Variants in NIBAN1 observed in about 807,000 individuals in gnomAD.
NIBAN1 encodes niban apoptosis regulator 1, also known as protein Niban 1.
NIBAN1 carries 81 observed loss-of-function variants against 75.1 expected under a neutral mutation model. The ratio of observed to expected loss-of-function variants is 1.08; its 90% CI spans 0.90 to 1.30. The LOEUF is 1.30. Ranked by LOEUF, NIBAN1 falls within the 50% of genes most tolerant of loss-of-function variation. NIBAN1 has a pLI of 0.00. For missense variants in NIBAN1, 1,133 were observed against 1,128.1 expected (o/e 1.00, Z -0.06); for synonymous variants, 436 against 424.8 (o/e 1.03, Z -0.32).
At chr1:184,827,212 T>A (rs1356525058) in intron 6 of NIBAN1, among the ~76,000 whole-genome samples, 1 of 152,074 alleles carries the variant, frequency 6.6e-6, no homozygotes, top group African/African-American at 2.4e-5. Flanking sequence ...ATCAGCAGCA[T>A]GAAAACGGAC....
At chr1:184,836,821 G>C (rs1418442388) in intron 5 of NIBAN1, among the ~76,000 whole-genome samples, 2 of 152,174 alleles carry the variant, frequency 1.3e-5, no homozygotes, top group African/African-American at 4.8e-5. Flanking sequence ...AAGGAAAAAA[G>C]ATCTAATCTA....
At chr1:184,892,236 C>T (rs915933585) in intron 3 of NIBAN1, among the ~76,000 whole-genome samples, 1 of 152,168 alleles carries the variant, frequency 6.6e-6, no homozygotes, top group African/African-American at 2.4e-5. Flanking sequence ...TAAATGCTTC[C>T]GTACATTCAT....
At chr1:184,803,873 C>T (rs1279474738) in intron 11 of NIBAN1, among the ~76,000 whole-genome samples, 181 bp from the exon 12 acceptor site, 1 of 152,176 alleles carries the variant, frequency 6.6e-6, no homozygotes, top group East Asian at 1.9e-4. Context: ...CAGGTTATAA[C>T]TGATAATGAC....
At chr1:184,888,899 T>C (rs1449079230) in intron 4 of NIBAN1, among the ~76,000 whole-genome samples, 1 of 152,248 alleles carries the variant, frequency 6.6e-6, no homozygotes, top group Non-Finnish European at 1.5e-5. Context: ...ATGAATTACT[T>C]AGTAATAATT....
At chr1:184,838,187 A>T (rs723064) in intron 5 of NIBAN1, among the ~76,000 whole-genome samples, 72,053 of 151,950 alleles carry the variant, frequency 0.47, 17,216 homozygotes, top group Middle Eastern at 0.52. Flanking sequence ...CCTAGCCTGT[A>T]TTTCTGCTTT....
At chr1:184,972,526 T>G (rs555440680) in intron 1 of NIBAN1, among the ~76,000 whole-genome samples, 1 of 152,332 alleles carries the variant, frequency 6.6e-6, no homozygotes, top group South Asian at 2.1e-4. Flanking sequence ...GTATTCTAAC[T>G]TTAACTCTTC....
chr1:184,801,278 T>C (rs145500474), intron 12 of NIBAN1, among the ~76,000 whole-genome samples: 1 of 152,212 alleles, frequency 6.6e-6, no homozygotes, highest in African/African-American at 2.4e-5. Flanking sequence ...ATGGGTTCCT[T>C]TATACCCAAC....
intron 12 of NIBAN1, among the ~76,000 whole-genome samples, chr1:184,801,575 G>T (rs1654043216): frequency 6.6e-6 from 1 of 152,176 alleles, no homozygotes; most frequent in Admixed American, 6.5e-5. Flanking sequence ...CTGGGTGAAA[G>T]CATGACTCTG....
Position 184,795,753 on chromosome 1 carries a change from C to T in NIBAN1, c.2011G>A (p.Glu671Lys). 1.2e-6 allele frequency: 2 copies of T among 1,612,210 alleles called. No individual in the cohort carries two copies. The highest frequency in any genetic ancestry group is 1.7e-6 in the Non-Finnish European group (2 of 1,178,858). Reference sequence around the variant, plus strand: ...GTGCCCGGGAGTCCTGCTGTGTCCTCTGTTGCCACAGGATTCACCACGGGG... The same window carrying T: ...GTGCCCGGGAGTCCTGCTGTGTCCTTTGTTGCCACAGGATTCACCACGGGG... ...DDPVVNPVAT[E>K]DTAGLPGTCS... Residue 671 changes from glutamate (E) to lysine (K), a missense_variant, in exon 14 of 14, where the codon GAG becomes AAG. Glu to Lys is a moderately conservative substitution (Grantham distance 56, BLOSUM62 1). Transcript: ENST00000367511.
At position 184,820,879 on chromosome 1, in the gene NIBAN1, T is replaced by C. The variant is rs149608358; in HGVS notation, c.986-2054A>G. On this transcript the variant is annotated intron_variant, in intron 8 of 13. Coordinates refer to ENST00000367511, the MANE Select transcript of NIBAN1 (RefSeq NM_052966.4). ...TTACTATATTACAAGTGCTTACAAC[T>C]CTGGAAGTGGCCCCTTGGAAGAACT... Among the ~76,000 whole-genome samples the C allele has an allele frequency of 3.0e-4, 45 of 152,362 alleles. No homozygotes were observed. In the South Asian group the frequency reaches 9.1e-3, roughly 31 times the overall value.
intron 1 of NIBAN1, among the ~76,000 whole-genome samples, chr1:184,932,153 C>A (rs1657840322): frequency 6.6e-6 from 1 of 152,174 alleles, no homozygotes; most frequent in Non-Finnish European, 1.5e-5. Flanking sequence ...GAACAAGTTT[C>A]ATAGAAGACA....
At chr1:184,826,945 G>A (rs1324357032) in intron 6 of NIBAN1, among the ~76,000 whole-genome samples, 1 of 152,242 alleles carries the variant, frequency 6.6e-6, no homozygotes, top group East Asian at 1.9e-4. Flanking sequence ...TTGTGTGGGG[G>A]ACCTGGTGGG....
At chr1:184,820,122 C>A (rs1397135176) in intron 8 of NIBAN1, among the ~76,000 whole-genome samples, 1 of 152,140 alleles carries the variant, frequency 6.6e-6, no homozygotes, top group Non-Finnish European at 1.5e-5. Context: ...ATCTAAGAGT[C>A]TTCTAAAAAT....
chr1:184,814,857 A>G (rs771663325), intron 9 of NIBAN1, among the ~76,000 whole-genome samples: 1 of 152,232 alleles, frequency 6.6e-6, no homozygotes, highest in Non-Finnish European at 1.5e-5. Context: ...GGTATTCAAG[A>G]GGACGTAAGT....
At chr1:184,872,661 C>T (rs1656141941) in intron 5 of NIBAN1, among the ~76,000 whole-genome samples, 1 of 151,128 alleles carries the variant, frequency 6.6e-6, no homozygotes, top group East Asian at 1.9e-4. Flanking sequence ...AAGCCAAGAT[C>T]GTGCTATTGC....
chr1:184,795,787 T>C lies in NIBAN1; in HGVS notation c.1977A>G (p.Arg659=). The C allele has an allele frequency of 6.2e-7, 1 of 1,611,226 alleles. No individual in the cohort carries two copies. The highest frequency in any genetic ancestry group is 1.1e-5 in the South Asian group (1 of 90,594). The part of the protein sequence containing the change: ...PDGTEQVIIS[R]VDDPVVNPVA... ...CAGGATTCACCACGGGGTCATCCAC[T>C]CTTGAAATAATCACCTGCTCAGTCC... Residue 659 remains arginine (R), a synonymous_variant, in exon 14 of 14, where the codon AGA becomes AGG. Transcript: ENST00000367511.
chr1:184,821,568 A>C (rs1654700629), intron 8 of NIBAN1: 1 of 152,172 alleles, frequency 6.6e-6, no homozygotes, highest in Non-Finnish European at 1.5e-5. Context: ...TCAGGGCAAA[A>C]TCTTTTTCCA....
At chr1:184,880,695 C>CG (rs1395714463) in intron 5 of NIBAN1, among the ~76,000 whole-genome samples, 1 of 152,210 alleles carries the variant, frequency 6.6e-6, no homozygotes, top group Non-Finnish European at 1.5e-5. Flanking sequence ...TATTCCATAT[C>CG]GCATGTGTTC....
chr1:184,965,615 G>C (rs917450262), intron 1 of NIBAN1, among the ~76,000 whole-genome samples: 3 of 152,138 alleles, frequency 2.0e-5, no homozygotes, highest in Non-Finnish European at 4.4e-5. Flanking sequence ...TGGACACATA[G>C]AAGGGAACAA....
Sources: allele counts gnomAD v4.1 joint callset (sites outside exome capture counted in the v4.1 genomes callset), GRCh38; gene constraint gnomAD v4.1.1; transcripts MANE v1.5; gene names NCBI Gene and HGNC (gene_info 2026-07-23, HGNC 2026-07-21).